PTPRK: variants seen among roughly 807,000 people sequenced by gnomAD.
PTPRK encodes protein tyrosine phosphatase receptor type K.
A neutral mutation model predicts 178.0 loss-of-function variants in PTPRK; 75 were observed. That is an observed-to-expected ratio of 0.42 (90% CI 0.35 to 0.51). The LOEUF is 0.51. Among genes scored for constraint, PTPRK ranks in the 20% least tolerant of loss-of-function variants. PTPRK has a pLI of 0.02. For synonymous variants in PTPRK, 637 were observed against 620.6 expected, an observed-to-expected ratio of 1.03 and a Z score of -0.39; for missense variants, 1,441 against 1,797.8, an observed-to-expected ratio of 0.80 and a Z score of 3.59.
intron 2 of PTPRK, among the ~76,000 whole-genome samples, chr6:128,336,193 T>C (rs956180784): frequency 0.017 from 20 of 1,182 alleles, no homozygotes; most frequent in Non-Finnish European, 0.14. Context: ...AACAGTGTGT[T>C]TTTTTTTTTG....
chr6:128,219,155 G>T, intron 5 of PTPRK, 59 bp from the exon 6 acceptor site: 2 of 1,429,830 alleles, frequency 1.4e-6, no homozygotes, highest in Non-Finnish European at 1.9e-6. Flanking sequence ...AATCTATAAA[G>T]CATCTTAGCA....
At chr6:128,412,151 T>C (rs917518752) in intron 1 of PTPRK, among the ~76,000 whole-genome samples, 6 of 152,220 alleles carry the variant, frequency 3.9e-5, no homozygotes, top group Non-Finnish European at 8.8e-5. Context: ...GGAGTGTTAA[T>C]TTGCTGGTAA....
At chr6:128,015,227 T>C (rs555153291) in intron 13 of PTPRK, among the ~76,000 whole-genome samples, 3 of 151,832 alleles carry the variant, frequency 2.0e-5, no homozygotes. Context: ...AGCAATAAAA[T>C]AAGTATATTT....
chr6:128,063,950 C>T (rs1046642565), intron 13 of PTPRK, among the ~76,000 whole-genome samples: 4 of 152,174 alleles, frequency 2.6e-5, no homozygotes, highest in African/African-American at 9.7e-5. Context: ...TGTGGGTCTG[C>T]TACTAATTCC....
chr6:128,283,804 C>T (rs949341220), intron 3 of PTPRK, among the ~76,000 whole-genome samples: 1 of 152,110 alleles, frequency 6.6e-6, no homozygotes, highest in African/African-American at 2.4e-5. Context: ...ATGTTATCAC[C>T]AGTTCCTAAG....
intron 3 of PTPRK, among the ~76,000 whole-genome samples, chr6:128,268,266 A>AT (rs1365512156): frequency 6.6e-6 from 1 of 151,968 alleles, no homozygotes; most frequent in Non-Finnish European, 1.5e-5. Flanking sequence ...TCATGATACA[A>AT]TTTTTTAAAA....
At chr6:128,100,034 G>A (rs1788531218) in intron 7 of PTPRK, among the ~76,000 whole-genome samples, 1 of 152,016 alleles carries the variant, frequency 6.6e-6, no homozygotes, top group South Asian at 2.1e-4. Context: ...TCCTCTAGAT[G>A]AATAAAACCT....
intron 1 of PTPRK, among the ~76,000 whole-genome samples, chr6:128,500,324 T>G (rs936442191): frequency 6.6e-6 from 1 of 151,614 alleles, no homozygotes; most frequent in Admixed American, 6.6e-5. Flanking sequence ...TAAAAATGGG[T>G]CATCCTAGTT....
intron 1 of PTPRK, among the ~76,000 whole-genome samples, chr6:128,460,450 G>C (rs1286552640): frequency 6.6e-6 from 1 of 152,100 alleles, no homozygotes; most frequent in African/African-American, 2.4e-5. Flanking sequence ...GCTGAGGTGG[G>C]AGGATCACTT....
At chr6:128,393,876 A>C (rs1839948062) in intron 2 of PTPRK, among the ~76,000 whole-genome samples, 1 of 152,050 alleles carries the variant, frequency 6.6e-6, no homozygotes, top group Non-Finnish European at 1.5e-5. Flanking sequence ...AAAGTACACA[A>C]CTCATCATTG....
At chr6:128,240,198 A>G (rs761866077) in intron 4 of PTPRK, 48 bp from the exon 5 acceptor site, 1 of 1,349,978 alleles carries the variant, frequency 7.4e-7, no homozygotes. Context: ...CATGAAGAAA[A>G]TATGCCATGT....
intron 4 of PTPRK, among the ~76,000 whole-genome samples, chr6:128,240,721 T>C (rs910808724): frequency 2.6e-5 from 4 of 152,282 alleles, no homozygotes; most frequent in African/African-American, 9.6e-5. Context: ...GCTAAACTGG[T>C]AAACTTTTTT....
chr6:127,973,109 A>C lies in PTPRK; in HGVS notation c.4182T>G (p.Val1394=), dbSNP rs770154392. The change falls in exon 29 of 30, where the codon GTT becomes GTG. Residue 1394 remains valine (V), a synonymous_variant. Coordinates refer to ENST00000368226, the MANE Select transcript of PTPRK (RefSeq NM_002844.4). ...SGMFCAIGIV[V]EMVKRQNVVD... is the part of the protein sequence containing the mutation. ...CAACATTTTGCCGTTTCACCATTTCAACAACGATGCCTATAGCACAGAACA... is the reference window on the plus strand; with the variant it reads ...CAACATTTTGCCGTTTCACCATTTCCACAACGATGCCTATAGCACAGAACA... The C allele has an allele frequency of 2.5e-6, 4 of 1,613,968 alleles. No homozygotes were observed. Among genetic ancestry groups the C allele is most frequent in the Non-Finnish European group, 3.4e-6 (4 of 1,179,980 alleles).
intron 7 of PTPRK, among the ~76,000 whole-genome samples, chr6:128,155,577 T>C (rs1797846218): frequency 6.6e-6 from 1 of 151,586 alleles, no homozygotes; most frequent in African/African-American, 2.4e-5. Context: ...TAAAAGTAAC[T>C]GCAGGTTTTG....
At chr6:128,154,651 C>T (rs956061827) in intron 7 of PTPRK, among the ~76,000 whole-genome samples, 1 of 150,760 alleles carries the variant, frequency 6.6e-6, no homozygotes, top group Non-Finnish European at 1.5e-5. Flanking sequence ...TAATGGCTCG[C>T]CTAAGGAATT....
intron 6 of PTPRK, among the ~76,000 whole-genome samples, chr6:128,210,981 C>G (rs2128265252): frequency 6.6e-6 from 1 of 152,182 alleles, no homozygotes; most frequent in Non-Finnish European, 1.5e-5. Flanking sequence ...AAAATATTTT[C>G]TCAGTTTAGG....
At chr6:128,451,603 A>T (rs528479306) in intron 1 of PTPRK, among the ~76,000 whole-genome samples, 34 of 146,338 alleles carry the variant, frequency 2.3e-4, no homozygotes, top group Admixed American at 1.3e-4. Context: ...AAAATATGTT[A>T]AAAAAAAAGC....
chr6:128,247,055 T>C (rs1815595042), intron 3 of PTPRK, among the ~76,000 whole-genome samples: 1 of 152,192 alleles, frequency 6.6e-6, no homozygotes, highest in Admixed American at 6.6e-5. Flanking sequence ...TGGGATCTAC[T>C]ATCACGTGTA....
At chr6:128,502,193 T>C (rs1416587719) in intron 1 of PTPRK, among the ~76,000 whole-genome samples, 1 of 152,240 alleles carries the variant, frequency 6.6e-6, no homozygotes, top group East Asian at 1.9e-4. Flanking sequence ...GTTTACCTTT[T>C]ATATAGTCCT....
Sources: allele counts gnomAD v4.1 joint callset (sites outside exome capture counted in the v4.1 genomes callset), GRCh38; gene constraint gnomAD v4.1.1; transcripts MANE v1.5; gene names NCBI Gene and HGNC (gene_info 2026-07-23, HGNC 2026-07-21).